Variants in XPNPEP3 observed in about 807,000 individuals in gnomAD.
XPNPEP3 encodes X-prolyl aminopeptidase 3, also known as xaa-Pro aminopeptidase 3.
Under a neutral mutation model 60.0 loss-of-function variants are expected in XPNPEP3, and 41 were observed. The ratio of observed to expected loss-of-function variants is 0.68; its 90% confidence interval spans 0.53 to 0.89. The LOEUF (loss-of-function observed/expected upper bound fraction) is 0.89. Ranked by LOEUF, XPNPEP3 falls within the 40% of genes least tolerant of loss-of-function variation. The probability of loss-of-function intolerance (pLI) is 0.00; values close to 1 mark genes in which losing one functional copy is unlikely to be tolerated. For missense variants in XPNPEP3, 598 were observed against 638.9 expected, an observed-to-expected ratio of 0.94 and a Z score of 0.69; for synonymous variants, 212 against 223.2, an observed-to-expected ratio of 0.95 and a Z score of 0.45.
intron 9 of XPNPEP3, 141 bp downstream of exon 9, chr22:40,924,623 A>AGGAGAATTGCTGAACCTGGG: frequency 7.9e-7 from 1 of 1,260,362 alleles, no homozygotes; most frequent in Non-Finnish European, 1.1e-6. Flanking sequence ...CCCCAGGTTC[A>AGGAGAATTGCTGAACCTGGG]GCAATTCTCC....
chr22:40,900,322 A>G lies in XPNPEP3; in HGVS notation c.793-7265A>G, dbSNP rs897268354. Among the ~76,000 whole-genome samples the G allele has an allele frequency of 6.0e-5, 9 of 151,232 alleles. No homozygotes were observed. The South Asian group carries it at 8.3e-4, about 14-fold the overall frequency. On this transcript the variant is annotated intron_variant, in intron 4 of 9. Transcript: ENST00000357137. The stretch of plus-strand genomic sequence containing the variant: ...ACAGCCTTAGGAAAAAAAAAAAAAA[A>G]GGCCGGGTACGGTGACCCACGCCTA...
At chr22:40,913,953 G>T (rs2058185737) in intron 6 of XPNPEP3, among the ~76,000 whole-genome samples, 1 of 152,152 alleles carries the variant, frequency 6.6e-6, no homozygotes, top group Admixed American at 6.6e-5. Context: ...GAGACATCCT[G>T]ACCAACATGG....
chr22:40,893,113 T>A (rs1480224715), intron 4 of XPNPEP3, among the ~76,000 whole-genome samples: 1 of 146,934 alleles, frequency 6.8e-6, no homozygotes, highest in South Asian at 2.1e-4. Context: ...TAAATATATA[T>A]AAATATATAT....
intron 1 of XPNPEP3, chr22:40,860,561 G>C: frequency 9.9e-7 from 1 of 1,012,712 alleles, no homozygotes; most frequent in Non-Finnish European, 1.3e-6. Flanking sequence ...TCGTAAGTTT[G>C]TATAGTGGTT....
At chr22:40,900,566 A>G (rs1437085264) in intron 4 of XPNPEP3, among the ~76,000 whole-genome samples, 1 of 152,180 alleles carries the variant, frequency 6.6e-6, no homozygotes, top group African/African-American at 2.4e-5. Flanking sequence ...AGATCGCACC[A>G]CTGCATTCCA....
intron 2 of XPNPEP3, among the ~76,000 whole-genome samples, chr22:40,880,125 C>T (rs1405478929): frequency 1.3e-5 from 2 of 151,536 alleles, no homozygotes; most frequent in African/African-American, 2.4e-5. Context: ...CCGTTTTTCT[C>T]CTGGGACTAT....
chr22:40,857,334 TCTC>T (rs528531263), intron 1 of XPNPEP3, 89 bp downstream of exon 1: 4 of 1,451,586 alleles, frequency 2.8e-6, no homozygotes, highest in South Asian at 1.2e-5. Flanking sequence ...GGCTGACCCT[TCTC>T]CTGGTGGGGC....
At position 40,909,107 on chromosome 22, in the gene XPNPEP3, T is replaced by G; in HGVS notation, c.856-15T>G. The G allele has an allele frequency of 6.2e-7, 1 of 1,613,288 alleles. No homozygotes were observed. Among genetic ancestry groups the G allele is most frequent in the Non-Finnish European group, 8.5e-7 (1 of 1,179,204 alleles). ...ACAGAAACCCTTTGTCATACCTTGC[T>G]GTTGTTTTTCACAGTTTGAATTTGA... On this transcript the variant is annotated splice_polypyrimidine_tract_variant and intron_variant, in intron 5 of 9. Transcript: ENST00000357137.
intron 4 of XPNPEP3, among the ~76,000 whole-genome samples, chr22:40,887,396 C>CA (rs1394526046): frequency 6.6e-6 from 1 of 152,130 alleles, no homozygotes; most frequent in African/African-American, 2.4e-5. Flanking sequence ...CAAAATATCA[C>CA]AGTCTGCATG....
intron 3 of XPNPEP3, among the ~76,000 whole-genome samples, chr22:40,884,608 A>G (rs2058061381): frequency 6.6e-6 from 1 of 151,020 alleles, no homozygotes; most frequent in African/African-American, 2.4e-5. Flanking sequence ...TGCTGGGATT[A>G]CAGGCGTGAG....
At chr22:40,907,483 A>G in intron 4 of XPNPEP3, 104 bp from the exon 5 acceptor site, 1 of 1,221,546 alleles carries the variant, frequency 8.2e-7, no homozygotes, top group East Asian at 2.3e-5. Context: ...GGCTGACGAA[A>G]TTGTGGGAAA....
chr22:40,863,846 C>A (rs1038084650), intron 1 of XPNPEP3, among the ~76,000 whole-genome samples: 5 of 152,148 alleles, frequency 3.3e-5, no homozygotes, highest in African/African-American at 4.8e-5. Context: ...AGTGAAAAAT[C>A]TGATTTTTAA....
chr22:40,907,527 T>G, intron 4 of XPNPEP3, 60 bp from the exon 5 acceptor site: 2 of 1,536,834 alleles, frequency 1.3e-6, no homozygotes, highest in Non-Finnish European at 1.8e-6. Flanking sequence ...GTATTTTGAA[T>G]GTTTGAGTAA....
intron 1 of XPNPEP3, among the ~76,000 whole-genome samples, chr22:40,864,701 T>C (rs574635976): frequency 1.5e-4 from 23 of 152,224 alleles, no homozygotes; most frequent in Admixed American, 7.8e-4. Context: ...CGCCTCAGCC[T>C]CCCAAAGCGC....
chr22:40,861,650 C>T (rs140055543), intron 1 of XPNPEP3: 23 of 1,614,010 alleles, frequency 1.4e-5, no homozygotes, highest in Non-Finnish European at 1.8e-5. Context: ...GGTCCTCAAG[C>T]GAGTCTTCAA....
intron 1 of XPNPEP3, among the ~76,000 whole-genome samples, chr22:40,866,461 G>A (rs182319599): frequency 1.3e-5 from 2 of 152,156 alleles, no homozygotes; most frequent in African/African-American, 4.8e-5. Flanking sequence ...TTCTGTAATC[G>A]TATAAGCAGG....
At position 40,895,479 on chromosome 22, in the gene XPNPEP3, C is replaced by T. The variant is rs566300179; in HGVS notation, c.792+8964C>T. 2.2e-4 allele frequency among the ~76,000 whole-genome samples: 34 copies of T among 151,776 alleles called. No homozygotes were observed. In the South Asian group the frequency reaches 6.3e-3, roughly 28 times the overall value. On this transcript the variant is annotated intron_variant, in intron 4 of 9. Coordinates refer to ENST00000357137, the MANE Select transcript of XPNPEP3 (RefSeq NM_022098.4). ...CCTCCCAAGTAGCTGGGATTACAGA[C>T]GCCCACCAGCACGCCCGGCTTATTT...
chr22:40,881,721 C>G, intron 2 of XPNPEP3, 49 bp from the exon 3 acceptor site: 1 of 1,601,662 alleles, frequency 6.2e-7, no homozygotes, highest in Non-Finnish European at 8.6e-7. Context: ...ACCTTAAGTA[C>G]TTTGGCACTG....
rs1222642122 is a variant in XPNPEP3, at chr22:40,913,542, G to C, written c.970-697G>C. On this transcript the variant is annotated intron_variant, in intron 6 of 9. Coordinates refer to ENST00000357137, the MANE Select transcript of XPNPEP3 (RefSeq NM_022098.4). ...TACCACTGGCATGCCAACGTATATA[G>C]GATTGTTTTTTTCTCTTGTTTCATA... 2.0e-5 allele frequency among the ~76,000 whole-genome samples: 3 copies of C among 151,688 alleles called. No homozygotes were observed. The East Asian group carries it at 5.8e-4, about 29-fold the overall frequency.
Sources: allele counts gnomAD v4.1 joint callset (sites outside exome capture counted in the v4.1 genomes callset), GRCh38; gene constraint gnomAD v4.1.1; transcripts MANE v1.5; gene names NCBI Gene and HGNC (gene_info 2026-07-23, HGNC 2026-07-21).